Variants in DOCK9 observed in about 807,000 individuals in gnomAD.
The protein encoded by DOCK9 is dedicator of cytokinesis protein 9.
A neutral mutation model predicts 263.3 loss-of-function variants in DOCK9; 89 were observed. That is an observed-to-expected ratio of 0.34 (90% confidence interval 0.28 to 0.40). The LOEUF (loss-of-function observed/expected upper bound fraction) is 0.40, where lower values mean the gene tolerates loss of function less well. Among genes scored for constraint, DOCK9 ranks in the 10% least tolerant of loss-of-function variants. The probability of loss-of-function intolerance (pLI) is 1.00; values close to 1 mark genes in which losing one functional copy is unlikely to be tolerated. For missense variants in DOCK9, 2,140 were observed against 2,603.4 expected (o/e 0.82, Z 3.87); for synonymous variants, 976 against 973.1 (o/e 1.00, Z -0.06).
At chr13:99,031,635 C>T (rs957412774) in intron 1 of DOCK9, among the ~76,000 whole-genome samples, 2 of 152,082 alleles carry the variant, frequency 1.3e-5, no homozygotes, top group Admixed American at 1.3e-4. Flanking sequence ...AGTATAAAAC[C>T]ACAGAGCCAA....
chr13:98,911,544 C>T (rs2050030560), intron 9 of DOCK9, among the ~76,000 whole-genome samples: 2 of 152,142 alleles, frequency 1.3e-5, no homozygotes, highest in South Asian at 4.1e-4. Flanking sequence ...ATAAATAGTA[C>T]ATTGCCCTTA....
At chr13:99,042,459 G>A (rs187534831) in intron 1 of DOCK9, among the ~76,000 whole-genome samples, 6 of 152,348 alleles carry the variant, frequency 3.9e-5, no homozygotes, top group East Asian at 1.9e-4. Context: ...AATGGGGGAC[G>A]TGAGTCCCAC....
At chr13:98,837,078 T>C (rs546149905) in intron 39 of DOCK9, among the ~76,000 whole-genome samples, 2 of 152,304 alleles carry the variant, frequency 1.3e-5, no homozygotes, top group Admixed American at 6.5e-5. Context: ...CAGTAACAGA[T>C]AAAAAACTGA....
At chr13:98,819,189 G>T (rs141274163) in intron 45 of DOCK9, among the ~76,000 whole-genome samples, 1 of 152,140 alleles carries the variant, frequency 6.6e-6, no homozygotes, top group Non-Finnish European at 1.5e-5. Context: ...CTGGGTTTGG[G>T]GGGTAAGGAT....
At chr13:98,823,704 C>T (rs1220162090) in intron 45 of DOCK9, among the ~76,000 whole-genome samples, 3 of 152,198 alleles carry the variant, frequency 2.0e-5, no homozygotes, top group African/African-American at 7.2e-5. Flanking sequence ...TGAGTGAATG[C>T]CAGCAGAAAA....
intron 1 of DOCK9, among the ~76,000 whole-genome samples, chr13:98,983,513 G>A (rs757177384): frequency 6.6e-6 from 1 of 152,096 alleles, no homozygotes; most frequent in Non-Finnish European, 1.5e-5. Context: ...AGTGGTGGGA[G>A]GGGGAGACAG....
intron 13 of DOCK9, among the ~76,000 whole-genome samples, chr13:98,901,466 G>A (rs2048269531): frequency 6.6e-6 from 1 of 152,162 alleles, no homozygotes. Context: ...TTAACAGATA[G>A]AAGAAACTCT....
intron 1 of DOCK9, among the ~76,000 whole-genome samples, chr13:98,993,552 TGAAG>T (rs1880306784): frequency 6.6e-6 from 1 of 152,172 alleles, no homozygotes; most frequent in Admixed American, 6.5e-5. Flanking sequence ...TTGTGATCAG[TGAAG>T]GAAGGCAGTA....
intron 18 of DOCK9, 102 bp from the exon 19 acceptor site, chr13:98,886,726 A>G: frequency 9.3e-7 from 1 of 1,073,154 alleles, no homozygotes; most frequent in Non-Finnish European, 1.4e-6. Context: ...GCATAGACTT[A>G]GCATCGCCAC....
At chr13:98,952,924 T>C (rs1166263640) in intron 2 of DOCK9, among the ~76,000 whole-genome samples, 4 of 152,372 alleles carry the variant, frequency 2.6e-5, no homozygotes, top group Non-Finnish European at 4.4e-5. Context: ...CAACTTGGTA[T>C]TACTTTTCCA....
At chr13:98,854,860 T>A (rs1281722185) in intron 34 of DOCK9, 1 of 152,184 alleles carries the variant, frequency 6.6e-6, no homozygotes, top group Non-Finnish European at 1.5e-5. Flanking sequence ...ATGCCAGCCA[T>A]GGGATGCGTG....
intron 4 of DOCK9, among the ~76,000 whole-genome samples, chr13:98,924,428 G>C (rs948252890): frequency 2.0e-5 from 3 of 152,226 alleles, no homozygotes; most frequent in African/African-American, 7.2e-5. Flanking sequence ...GTGATGGTTA[G>C]TTTTAAAACA....
chr13:99,001,339 G>A (rs1344234715), intron 1 of DOCK9, among the ~76,000 whole-genome samples: 1 of 152,182 alleles, frequency 6.6e-6, no homozygotes, highest in Non-Finnish European at 1.5e-5. Flanking sequence ...AGGAAAAGTT[G>A]GAAGTGCTAT....
chr13:99,072,317 C>A (rs1470288234), intron 1 of DOCK9, among the ~76,000 whole-genome samples: 2 of 152,064 alleles, frequency 1.3e-5, no homozygotes, highest in African/African-American at 2.4e-5. Flanking sequence ...CCTTATGGCC[C>A]CTGATTTAGA....
chr13:98,849,290 G>T (rs141757807), intron 36 of DOCK9, among the ~76,000 whole-genome samples: 50 of 152,018 alleles, frequency 3.3e-4, no homozygotes, highest in African/African-American at 1.1e-3. Flanking sequence ...GTTCCAAAAT[G>T]CATGAAACTC....
chr13:98,921,599 T>C (rs1373501186), intron 6 of DOCK9, among the ~76,000 whole-genome samples: 1 of 152,232 alleles, frequency 6.6e-6, no homozygotes, highest in Admixed American at 6.5e-5. Flanking sequence ...GAATAGCTTC[T>C]TCTATTGGTT....
At chr13:98,959,379 A>T (rs1327868895) in intron 1 of DOCK9, 1 of 152,192 alleles carries the variant, frequency 6.6e-6, no homozygotes, top group Non-Finnish European at 1.5e-5. Flanking sequence ...GACTATAAAA[A>T]TTTTCAACTT....
In DOCK9 at chr13:98,927,996, C is replaced by T. The variant is rs113920373; in HGVS notation, c.334-2077G>A. ...TCATATATTTATAATTATAAGGAATCGCACATACAAAAAAAAAAAAAAACA... is the reference window on the plus strand; with the variant it reads ...TCATATATTTATAATTATAAGGAATTGCACATACAAAAAAAAAAAAAAACA... On this transcript the variant is annotated intron_variant, in intron 3 of 52. Coordinates refer to ENST00000682017, the MANE Select transcript of DOCK9 (RefSeq NM_001366683.2). 8.2e-5 allele frequency among the ~76,000 whole-genome samples: 10 copies of T among 122,324 alleles called. No individual in the cohort carries two copies. The South Asian group carries it at 1.9e-3, about 24-fold the overall frequency. The allele number at this position is 122,324 out of a possible 152,430, so 80.2% of individuals were successfully genotyped here.
chr13:99,019,350 T>C (rs2390182), intron 1 of DOCK9, among the ~76,000 whole-genome samples: 34,505 of 151,418 alleles, frequency 0.23, 3,910 homozygotes, highest in Middle Eastern at 0.32. Context: ...TACACACATA[T>C]AGTCTGTGAC....
Sources: allele counts gnomAD v4.1 joint callset (sites outside exome capture counted in the v4.1 genomes callset), GRCh38; gene constraint gnomAD v4.1.1; transcripts MANE v1.5; gene names NCBI Gene and HGNC (gene_info 2026-07-23, HGNC 2026-07-21).